COL19A1: variants seen among roughly 807,000 people sequenced by gnomAD.
COL19A1 encodes the protein collagen type XIX alpha 1 chain.
A neutral mutation model predicts 190.2 loss-of-function variants in COL19A1; 159 were observed. The observed-to-expected ratio is 0.84, with a 90% CI of 0.73 to 0.95. The LOEUF is 0.95. Among genes scored for constraint, COL19A1 ranks in the 40% least tolerant of loss-of-function variants. COL19A1 has a pLI of 0.00. For synonymous variants in COL19A1, 509 were observed against 458.9 expected, an observed-to-expected ratio of 1.11 and a Z score of -1.39; for missense variants, 1,418 against 1,431.9, an observed-to-expected ratio of 0.99 and a Z score of 0.16.
At chr6:70,030,403 G>A (rs1165549934) in intron 12 of COL19A1, among the ~76,000 whole-genome samples, 1 of 152,108 alleles carries the variant, frequency 6.6e-6, no homozygotes, top group Non-Finnish European at 1.5e-5. Context: ...AACTCAATGT[G>A]AGAACTAAGA....
chr6:70,116,531 A>G (rs1784589197), intron 16 of COL19A1, among the ~76,000 whole-genome samples: 1 of 152,214 alleles, frequency 6.6e-6, no homozygotes, highest in Non-Finnish European at 1.5e-5. Flanking sequence ...GTTATGTATA[A>G]TGTGTTATAG....
intron 11 of COL19A1, among the ~76,000 whole-genome samples, chr6:70,006,844 C>T (rs1172982914): frequency 2.0e-5 from 3 of 151,570 alleles, no homozygotes; most frequent in East Asian, 3.9e-4. Flanking sequence ...CTGAAATTTG[C>T]CATAGTTTTC....
At chr6:70,145,610 T>C (rs571580867) in intron 25 of COL19A1, among the ~76,000 whole-genome samples, 14 of 151,868 alleles carry the variant, frequency 9.2e-5, no homozygotes, top group Non-Finnish European at 1.8e-4. Flanking sequence ...ATTCACACAA[T>C]AAACCTGAGC....
intron 14 of COL19A1, among the ~76,000 whole-genome samples, chr6:70,041,740 A>T (rs114769986): frequency 1.3e-5 from 2 of 152,238 alleles, no homozygotes; most frequent in Admixed American, 1.3e-4. Context: ...AATGTTCTAA[A>T]CTATTGCAAA....
chr6:70,184,902 C>A lies in COL19A1; in HGVS notation c.2843C>A (p.Pro948His). ...ATGGGTAAGCCTGGAGACAGAGGCCCCAAAGGAGAACGTGTATGTATATTA... is the reference window on the plus strand; with the variant it reads ...ATGGGTAAGCCTGGAGACAGAGGCCACAAAGGAGAACGTGTATGTATATTA... ...GIMGKPGDRGPKGERGDQGIP... is the reference protein window; with the variant it reads ...GIMGKPGDRGHKGERGDQGIP... Residue 948 changes from proline (P) to histidine (H), a missense_variant, in exon 46 of 51, where the codon CCC becomes CAC. Pro to His is a moderately conservative substitution (Grantham distance 77). Coordinates refer to ENST00000620364, the MANE Select transcript of COL19A1 (RefSeq NM_001858.6). 1 of 1,612,796 alleles carries A rather than the reference C, an allele frequency of 6.2e-7. No homozygotes were observed. Among genetic ancestry groups the A allele is most frequent in the African/African-American group, 1.3e-5 (1 of 74,872 alleles).
intron 2 of COL19A1, among the ~76,000 whole-genome samples, chr6:69,884,485 C>CTG (rs140943411): frequency 7.9e-5 from 12 of 152,082 alleles, no homozygotes; most frequent in Admixed American, 2.0e-4. Flanking sequence ...AAGTGATTTT[C>CTG]TGTGTGTGTG....
intron 9 of COL19A1, among the ~76,000 whole-genome samples, chr6:69,942,762 G>GTGTGTGTT (rs1773555760): frequency 6.6e-6 from 1 of 151,604 alleles, no homozygotes. Flanking sequence ...GTGTGTGTGT[G>GTGTGTGTT]TGTGTGTGTA....
intron 41 of COL19A1, among the ~76,000 whole-genome samples, 195 bp from the exon 42 acceptor site, chr6:70,176,325 G>T (rs1312767796): frequency 1.3e-5 from 2 of 152,198 alleles, no homozygotes; most frequent in East Asian, 3.9e-4. Flanking sequence ...AAGCTGTAAC[G>T]AGTTCAGTTG....
chr6:69,898,324 G>C (rs962279329), intron 2 of COL19A1, among the ~76,000 whole-genome samples: 4 of 152,156 alleles, frequency 2.6e-5, no homozygotes, highest in African/African-American at 9.7e-5. Flanking sequence ...ATCCATTACT[G>C]TATTAGTGTG....
intron 4 of COL19A1, among the ~76,000 whole-genome samples, chr6:69,921,450 A>ATTCACAT (rs368825990): frequency 3.8e-5 from 1 of 26,104 alleles, no homozygotes; most frequent in East Asian, 1.2e-3. Context: ...TATATCATAT[A>ATTCACAT]TCATATATAT....
chr6:70,161,971 C>T lies in COL19A1; in HGVS notation c.2346+18C>T, dbSNP rs201123002. On this transcript the variant is annotated intron_variant, in intron 35 of 50. Transcript: ENST00000620364. The stretch of plus-strand genomic sequence containing the variant: ...GACCCCCTGTAAGTATTTGTTAAAA[C>T]GATTGCACTCACAGCTTATATCTGC... 1.4e-4 allele frequency: 218 copies of T among 1,582,006 alleles called. No individual in the cohort carries two copies. Among genetic ancestry groups the T allele is most frequent in the South Asian group, 4.2e-4 (36 of 85,416 alleles).
chr6:70,204,552 G>A (rs574637973), intron 49 of COL19A1, among the ~76,000 whole-genome samples: 6 of 152,254 alleles, frequency 3.9e-5, no homozygotes, highest in South Asian at 2.1e-4. Context: ...GCAAATACAC[G>A]AATCACAGTT....
At chr6:69,972,293 T>A (rs1421143596) in intron 11 of COL19A1, among the ~76,000 whole-genome samples, 1 of 152,222 alleles carries the variant, frequency 6.6e-6, no homozygotes, top group Non-Finnish European at 1.5e-5. Flanking sequence ...TGCACCTGTA[T>A]AGCATTTACC....
chr6:70,208,740 T>C lies in COL19A1; in HGVS notation c.*1466T>C, dbSNP rs1397959980. ...GGCTAAAACAGGATGATTGCTTTTG[T>C]CTGTTTACTGAAAAATGAGTTTAGA... On this transcript the variant is annotated 3_prime_UTR_variant, in exon 51 of 51. Coordinates refer to ENST00000620364, the MANE Select transcript of COL19A1 (RefSeq NM_001858.6). 1 of 152,598 alleles carries C rather than the reference T, an allele frequency of 6.6e-6. No individual in the cohort carries two copies. Among genetic ancestry groups the C allele is most frequent in the Non-Finnish European group, 1.5e-5 (1 of 68,024 alleles). The allele number at this position is 152,598 out of a possible 1,614,324, so 9.5% of individuals were successfully genotyped here. A position where few individuals can be genotyped will look rare whatever the true frequency, so the allele number is the denominator to read the frequency against.
In COL19A1 at chr6:70,172,133, A is replaced by G. The variant is rs1562242155; in HGVS notation, c.2622+116A>G. On this transcript the variant is annotated intron_variant, in intron 41 of 50. Transcript: ENST00000620364. Reference sequence around the variant, plus strand: ...GGATATATAAAGGAACAAAACAGACAAAAATGTATGTACTCATGGGACTTA... The same window carrying G: ...GGATATATAAAGGAACAAAACAGACGAAAATGTATGTACTCATGGGACTTA... 24 of 789,390 alleles carry G rather than the reference A, an allele frequency of 3.0e-5. No individual in the cohort carries two copies. The South Asian group carries it at 3.2e-4, about 10-fold the overall frequency. The allele number at this position is 789,390 out of a possible 1,614,324, so 48.9% of individuals were successfully genotyped here. A position where few individuals can be genotyped will look rare whatever the true frequency, so the allele number is the denominator to read the frequency against.
At chr6:69,916,764 T>C (rs895593762) in intron 4 of COL19A1, among the ~76,000 whole-genome samples, 38 of 152,196 alleles carry the variant, frequency 2.5e-4, no homozygotes, top group Non-Finnish European at 1.3e-4. Flanking sequence ...GAGACATTTT[T>C]CCCCTCATAG....
intron 27 of COL19A1, among the ~76,000 whole-genome samples, chr6:70,148,696 G>A (rs1477771655): frequency 6.6e-6 from 1 of 152,150 alleles, no homozygotes; most frequent in Non-Finnish European, 1.5e-5. Flanking sequence ...GGAGGCCAAG[G>A]CAGGTGGATC....
At chr6:69,908,736 C>A (rs901507510) in intron 4 of COL19A1, among the ~76,000 whole-genome samples, 1 of 152,014 alleles carries the variant, frequency 6.6e-6, no homozygotes, top group African/African-American at 2.4e-5. Flanking sequence ...TGTGATTTTG[C>A]TCTTTCAGAT....
chr6:70,195,406 G>T (rs1459758811), intron 48 of COL19A1, among the ~76,000 whole-genome samples: 1 of 152,000 alleles, frequency 6.6e-6, no homozygotes, highest in Non-Finnish European at 1.5e-5. Flanking sequence ...TTAAGTGAGG[G>T]ACCCTTAATT....
Sources: allele counts gnomAD v4.1 joint callset (sites outside exome capture counted in the v4.1 genomes callset), GRCh38; gene constraint gnomAD v4.1.1; transcripts MANE v1.5; gene names NCBI Gene and HGNC (gene_info 2026-07-23, HGNC 2026-07-21).